METTL14: variants seen among roughly 807,000 people sequenced by gnomAD.
METTL14 encodes N(6)-adenosine-methyltransferase non-catalytic subunit METTL14.
Under a neutral mutation model 62.4 loss-of-function variants are expected in METTL14, and 32 were observed. The ratio of observed to expected loss-of-function variants is 0.51; its 90% CI spans 0.39 to 0.69. The LOEUF is 0.69. Ranked by LOEUF, METTL14 falls within the 30% of genes least tolerant of loss-of-function variation. The pLI is 0.00. For synonymous variants in METTL14, 150 were observed against 180.0 expected (o/e 0.83, Z 1.34); for missense variants, 340 against 551.9 (o/e 0.62, Z 3.85).
chr4:118,713,701 GTAA>G lies in METTL14; in HGVS notation c.*3402_*3404del, dbSNP rs763464825. 2.6e-5 allele frequency: 4 copies of G among 152,016 alleles called. No individual in the cohort carries two copies. The highest frequency in any genetic ancestry group is 5.9e-5 in the Non-Finnish European group (4 of 68,028). 9.4% of individuals were successfully genotyped at this position (152,016 alleles called of 1,614,324 possible). Reference sequence around the variant, plus strand: ...AGCATTATCCTCTCTTTGATGTTGGGTAATAGAGGCTGAACTTTTCTTGTGTAT... The same window carrying G: ...AGCATTATCCTCTCTTTGATGTTGGGTAGAGGCTGAACTTTTCTTGTGTAT... On this transcript the variant is annotated 3_prime_UTR_variant, in exon 11 of 11. Transcript: ENST00000388822.
intron 6 of METTL14, among the ~76,000 whole-genome samples, chr4:118,695,834 G>A (rs1054988385): frequency 2.0e-5 from 3 of 151,904 alleles, no homozygotes; most frequent in Non-Finnish European, 2.9e-5. Context: ...ATTTTGGGCC[G>A]GGTGCGGTGG....
At chr4:118,687,488 G>A (rs1724104489) in intron 1 of METTL14, among the ~76,000 whole-genome samples, 1 of 152,178 alleles carries the variant, frequency 6.6e-6, no homozygotes, top group African/African-American at 2.4e-5. Flanking sequence ...TTGACTTTAT[G>A]ATGGTTTGAG....
At chr4:118,689,484 G>C in intron 3 of METTL14, 27 bp downstream of exon 3, 1 of 1,294,580 alleles carries the variant, frequency 7.7e-7, no homozygotes, top group Non-Finnish European at 1.1e-6. Flanking sequence ...ATAAGTTTAT[G>C]GTCAAAGAAA....
intron 6 of METTL14, among the ~76,000 whole-genome samples, chr4:118,695,595 ATTTG>A (rs1391617686): frequency 1.3e-5 from 2 of 152,168 alleles, no homozygotes; most frequent in African/African-American, 4.8e-5. Flanking sequence ...TTGTCAAGTA[ATTTG>A]TTTGTTAAAG....
At chr4:118,691,861 T>C (rs967841472) in intron 4 of METTL14, 120 bp from the exon 5 acceptor site, 6 of 677,034 alleles carry the variant, frequency 8.9e-6, no homozygotes. Flanking sequence ...CAAATATTAC[T>C]AATTTTTAAA....
At chr4:118,691,928 T>C in intron 4 of METTL14, 53 bp from the exon 5 acceptor site, 1 of 1,146,176 alleles carries the variant, frequency 8.7e-7, no homozygotes, top group Middle Eastern at 2.0e-4. Context: ...ACAGAGATAA[T>C]TTATCTGCCA....
At chr4:118,691,392 G>T (rs1267390425) in intron 3 of METTL14, 140 bp from the exon 4 acceptor site, 2 of 539,336 alleles carry the variant, frequency 3.7e-6, no homozygotes, top group Non-Finnish European at 6.4e-6. Flanking sequence ...GGAAAGCAAA[G>T]ACTTCAATGT....
Position 118,689,380 on chromosome 4 carries a change from G to A in METTL14, c.166G>A (p.Asp56Asn), listed in dbSNP as rs138619764. 2.8e-5 allele frequency: 44 copies of A among 1,590,416 alleles called. No individual in the cohort carries two copies. Among genetic ancestry groups the A allele is most frequent in the Admixed American group, 1.3e-4 (7 of 55,698 alleles). Residue 56 changes from aspartate (D) to asparagine (N), a missense_variant, in exon 3 of 11, where the codon GAT becomes AAT. Asp to Asn is a conservative substitution (Grantham distance 23). Around this residue, in one of 7 missense-constraint regions of METTL14, gnomAD observed 111 missense variants for 116.6 expected, o/e 0.95. Transcript: ENST00000388822. Reference protein sequence around the residue: ...ETRETCRASYDTSAPNAKRKY... With the variant: ...ETRETCRASYNTSAPNAKRKY... Reference sequence around the variant, plus strand: ...CTGTTTATTTTTCAGGGCTTCCTATGATACCTCTGCTCCAAATGCAAAACG... The same window carrying A: ...CTGTTTATTTTTCAGGGCTTCCTATAATACCTCTGCTCCAAATGCAAAACG...
In METTL14 at chr4:118,700,032, A is replaced by ATT. The variant is rs879408263; in HGVS notation, c.646-506_646-505dup. On this transcript the variant is annotated intron_variant, in intron 7 of 10. Coordinates refer to ENST00000388822, the MANE Select transcript of METTL14 (RefSeq NM_020961.4). Reference sequence around the variant, plus strand: ...TTAGAATTAGTGTCAAAAGAGAATAATTTTTTTTTTTTTGGCATTTGAGAC... The same window carrying ATT: ...TTAGAATTAGTGTCAAAAGAGAATAATTTTTTTTTTTTTTTGGCATTTGAGAC... Among the ~76,000 whole-genome samples, 567 of 146,830 alleles carry ATT rather than the reference A, an allele frequency of 3.9e-3. 6 individuals carry two copies. The highest frequency in any genetic ancestry group is 0.013 in the African/African-American group (532 of 40,366).
In METTL14 at chr4:118,697,187, T is replaced by TA; in HGVS notation, c.510dup (p.Gln171ThrfsTer8). The TA allele has an allele frequency of 6.3e-7, 1 of 1,591,766 alleles. No homozygotes were observed. Among genetic ancestry groups the TA allele is most frequent in the Admixed American group, 1.9e-5 (1 of 53,290 alleles). ...TTAATGCTTTAATCAAATAGGTACT[T>TA]ACAAGCCGATATAGAAGCCTTTGAC... On this transcript the variant is annotated frameshift_variant, in exon 7 of 11. Transcript: ENST00000388822. LOFTEE classifies it high-confidence loss of function.
chr4:118,685,724 C>T, intron 1 of METTL14, 124 bp downstream of exon 1: 1 of 804,182 alleles, frequency 1.2e-6, no homozygotes, highest in East Asian at 2.7e-5. Flanking sequence ...CTTTCTGGTC[C>T]TGCGATCTTG....
In METTL14 at chr4:118,697,343, A is replaced by T; in HGVS notation, c.645+20A>T. Reference sequence around the variant, plus strand: ...GATGATGTATGATCAAACTTTCTACATTGTAATGAATTATTTATTTTCAAA... The same window carrying T: ...GATGATGTATGATCAAACTTTCTACTTTGTAATGAATTATTTATTTTCAAA... On this transcript the variant is annotated intron_variant, in intron 7 of 10. Coordinates refer to ENST00000388822, the MANE Select transcript of METTL14 (RefSeq NM_020961.4). 1 of 1,561,326 alleles carries T rather than the reference A, an allele frequency of 6.4e-7. No homozygotes were observed. The highest frequency in any genetic ancestry group is 8.6e-7 in the Non-Finnish European group (1 of 1,156,204).
intron 9 of METTL14, 130 bp downstream of exon 9, chr4:118,704,181 G>A (rs1390003614): frequency 3.3e-6 from 2 of 611,508 alleles, no homozygotes; most frequent in Non-Finnish European, 5.6e-6. Flanking sequence ...ACAGCATTGA[G>A]CATTACAGGA....
intron 9 of METTL14, among the ~76,000 whole-genome samples, chr4:118,705,065 GAAGTA>G (rs1387397256): frequency 6.6e-6 from 1 of 152,194 alleles, no homozygotes; most frequent in East Asian, 1.9e-4. Context: ...GATCAGAAGT[GAAGTA>G]TTCTGAAAAT....
intron 9 of METTL14, among the ~76,000 whole-genome samples, chr4:118,705,001 G>T (rs895482660): frequency 6.6e-6 from 1 of 152,194 alleles, no homozygotes; most frequent in African/African-American, 2.4e-5. Context: ...TTGAATTATA[G>T]TGTTGATGGA....
intron 7 of METTL14, among the ~76,000 whole-genome samples, chr4:118,698,540 G>T (rs1389779857): frequency 6.6e-6 from 1 of 151,742 alleles, no homozygotes; most frequent in Admixed American, 6.6e-5. Context: ...TGAGATGAAG[G>T]GACGCTGAAT....
intron 6 of METTL14, 32 bp from the exon 7 acceptor site, chr4:118,697,150 A>G (rs1192240586): frequency 7.8e-6 from 12 of 1,539,472 alleles, no homozygotes; most frequent in Non-Finnish European, 1.0e-5. Context: ...CATTTTTTTA[A>G]AAACCTCATT....
intron 3 of METTL14, among the ~76,000 whole-genome samples, chr4:118,690,695 A>C (rs1357298568): frequency 2.7e-5 from 4 of 148,132 alleles, no homozygotes; most frequent in East Asian, 2.0e-4. Flanking sequence ...AAAAAAAAAA[A>C]CACAAAACTT....
chr4:118,701,456 G>A (rs1489281978), intron 8 of METTL14, among the ~76,000 whole-genome samples: 1 of 152,076 alleles, frequency 6.6e-6, no homozygotes, highest in Admixed American at 6.5e-5. Flanking sequence ...AAAGTGTTAG[G>A]ATTACAGGCA....
Sources: gnomAD v4.1 joint callset for allele counts (sites outside exome capture counted in the v4.1 genomes callset) on GRCh38, gnomAD v4.1.1 for gene constraint, gnomAD v4.1.1 regional missense constraint, MANE v1.5 for transcripts, NCBI Gene and HGNC (gene_info 2026-07-23, HGNC 2026-07-21) for gene names.